The following ZNF648 variants were observed in gnomAD, a reference collection of about 807,000 sequenced individuals.
The protein encoded by ZNF648 is zinc finger protein 648.
In ZNF648, 1 loss-of-function variant was observed where a neutral mutation model predicts 0.3. The observed-to-expected ratio is 3.90, with a 90% CI of 1.39 to 18.51. The LOEUF is 18.51. Ranked by LOEUF, ZNF648 falls within the 30% of genes most tolerant of loss-of-function variation. ZNF648 has a pLI of 0.11. For synonymous variants in ZNF648, 376 were observed against 326.8 expected, an observed-to-expected ratio of 1.15 and a Z score of -1.62; for missense variants, 874 against 769.7, an observed-to-expected ratio of 1.14 and a Z score of -1.60.
Position 182,054,869 on chromosome 1 carries a change from C to G in ZNF648, c.*1435G>C, listed in dbSNP as rs1665883798. On this transcript the variant is annotated 3_prime_UTR_variant, in exon 2 of 2. Transcript: ENST00000339948. ...CAAGACTATCTAGCTATCTAGCTAT[C>G]TAGCTATCTCTCTTACTTCTCTTTG... 6.6e-6 allele frequency: 1 copy of G among 152,246 alleles called. No homozygotes were observed. Among genetic ancestry groups the G allele is most frequent in the African/African-American group, 2.4e-5 (1 of 41,468 alleles). The allele number at this position is 152,246 out of a possible 1,614,324, so 9.4% of individuals were successfully genotyped here.
rs1282452201 is a variant in ZNF648 at position 182,056,541 on chromosome 1, G to T, written c.1470C>A (p.Thr490=). 6.2e-7 allele frequency: 1 copy of T among 1,613,976 alleles called. No individual in the cohort carries two copies. Among genetic ancestry groups the T allele is most frequent in the Non-Finnish European group, 8.5e-7 (1 of 1,180,002 alleles). Residue 490 remains threonine (T), a synonymous_variant, in exon 2 of 2, where the codon ACC becomes ACA. Transcript: ENST00000339948. The stretch of plus-strand genomic sequence containing the variant: ...AGTGGATCTGTTGGTGCCGCTTCAG[G>T]GTCGAAGAGCGGGCAAAGGCCTGGC... ...QCGQAFARSS[T]LKRHQQIHSG... is the part of the protein sequence containing the mutation.
At chr1:182,065,732 C>T (rs1315376857), upstream of ZNF648, among the ~76,000 whole-genome samples, 2 of 152,234 alleles carry the variant, frequency 1.3e-5, no homozygotes, top group Non-Finnish European at 2.9e-5. Flanking sequence ...TTTGGAAGTG[C>T]CATGTGCCTT....
At position 182,056,803 on chromosome 1, in the gene ZNF648, A is replaced by G; in HGVS notation, c.1208T>C (p.Val403Ala). Residue 403 changes from valine to alanine, a missense_variant, in exon 2 of 2, where the codon GTG becomes GCG. Val to Ala is a moderately conservative substitution (Grantham distance 64, BLOSUM62 0). Coordinates refer to ENST00000339948, the MANE Select transcript of ZNF648 (RefSeq NM_001009992.1). ...RCPACDREFA[V>A]ASRMVEHQRV... ...CTGGTGCTCCACCATGCGGCTGGCC[A>G]CAGCGAACTCCCGGTCGCAGGCGGG... 1 of 1,544,682 alleles carries G rather than the reference A, an allele frequency of 6.5e-7. No homozygotes were observed. Among genetic ancestry groups the G allele is most frequent in the Admixed American group, 2.0e-5 (1 of 49,376 alleles).
Position 182,056,046 on chromosome 1 carries a change from T to C in ZNF648, c.*258A>G. 2.1e-6 allele frequency: 1 copy of C among 484,522 alleles called. No individual in the cohort carries two copies. Among genetic ancestry groups the C allele is most frequent in the Middle Eastern group, 5.5e-4 (1 of 1,834 alleles). 30.0% of individuals were successfully genotyped at this position (484,522 alleles called of 1,614,324 possible). On this transcript the variant is annotated 3_prime_UTR_variant, in exon 2 of 2. Transcript: ENST00000339948. ...TTCCCCAACCCAAGGAACTCAACGT[T>C]TGATCAGCTCCCACTACTTTGTCTT...
rs761341809 is a variant in ZNF648 at position 182,056,674 on chromosome 1, C to T, written c.1337G>A (p.Arg446Lys). 1.2e-6 allele frequency: 2 copies of T among 1,605,214 alleles called. No individual in the cohort carries two copies. The highest frequency in any genetic ancestry group is 1.7e-5 in the Admixed American group (1 of 58,722). Residue 446 changes from arginine (R) to lysine (K), a missense_variant, in exon 2 of 2, where the codon AGG (arginine) becomes AAG (lysine). Physicochemically the swap from Arg to Lys is conservative, Grantham distance 26. Coordinates refer to ENST00000339948, the MANE Select transcript of ZNF648 (RefSeq NM_001009992.1). ...SEHQTLHTGQRPFKCADCGVA... is the reference protein window; with the variant it reads ...SEHQTLHTGQKPFKCADCGVA... ...GCCGCAGTCAGCGCACTTGAAAGGC[C>T]TCTGGCCGGTGTGCAGCGTCTGGTG...
rs546993253 is a variant in ZNF648, at chr1:182,056,594, C to T, written c.1417G>A (p.Glu473Lys). The change falls in exon 2 of 2, where the codon GAG becomes AAG. Residue 473 changes from glutamate to lysine, a missense_variant. Physicochemically the swap from Glu to Lys is moderately conservative, Grantham distance 56. Coordinates refer to ENST00000339948, the MANE Select transcript of ZNF648 (RefSeq NM_001009992.1). Reference sequence around the variant, plus strand: ...CACTGCGTGCAAGGAAAGGGCCTCTCGCCAGTGTGGATGCGCTGGTGGCGC... The same window carrying T: ...CACTGCGTGCAAGGAAAGGGCCTCTTGCCAGTGTGGATGCGCTGGTGGCGC... The part of the protein sequence containing the change: ...LVRHQRIHTG[E>K]RPFPCTQCGQ... 35 of 1,613,726 alleles carry T rather than the reference C, an allele frequency of 2.2e-5. No individual in the cohort carries two copies. The South Asian group carries it at 3.3e-4, about 15-fold the overall frequency.
In ZNF648 at chr1:182,056,965, T is replaced by C. The variant is rs770294686; in HGVS notation, c.1046A>G (p.Asp349Gly). Reference protein sequence around the residue: ...DCGKAFVRSSDLRKHQRNMHS... With the variant: ...DCGKAFVRSSGLRKHQRNMHS... ...CATGTTGCGCTGGTGTTTGCGCAGG[T>C]CCGAAGAGCGCACGAAGGCCTTCCC... The change falls in exon 2 of 2, where the codon GAC becomes GGC. Residue 349 changes from aspartate to glycine, a missense_variant. Coordinates refer to ENST00000339948, the MANE Select transcript of ZNF648 (RefSeq NM_001009992.1). The C allele has an allele frequency of 1.9e-6, 3 of 1,613,604 alleles. No individual in the cohort carries two copies. Among genetic ancestry groups the C allele is most frequent in the African/African-American group, 2.7e-5 (2 of 75,034 alleles).
At chr1:182,063,010 T>A (rs1368873972), upstream of ZNF648, 2 of 152,242 alleles carry the variant, frequency 1.3e-5, no homozygotes, top group East Asian at 3.9e-4. Flanking sequence ...TCCAGCTCCA[T>A]CCCTGTCCCT....
intron 1 of ZNF648, among the ~76,000 whole-genome samples, chr1:182,058,841 T>C (rs1665985256): frequency 6.6e-6 from 1 of 152,208 alleles, no homozygotes; most frequent in South Asian, 2.1e-4. Flanking sequence ...TTGTTTTTAA[T>C]TGAGTCGGAG....
Position 182,056,960 on chromosome 1 carries a change from G to C in ZNF648, c.1051C>G (p.Arg351Gly), listed in dbSNP as rs143709654. The C allele has an allele frequency of 1.4e-5, 23 of 1,613,528 alleles. No homozygotes were observed. The highest frequency in any genetic ancestry group is 1.9e-5 in the Non-Finnish European group (22 of 1,179,824). Residue 351 changes from arginine (R) to glycine (G), a missense_variant, in exon 2 of 2, where the codon CGC becomes GGC. Physicochemically the swap from Arg to Gly is moderately radical, Grantham distance 125 (BLOSUM62 -2). Transcript: ENST00000339948. The part of the protein sequence containing the change: ...GKAFVRSSDL[R>G]KHQRNMHSNN... ...CTGTGCATGTTGCGCTGGTGTTTGC[G>C]CAGGTCCGAAGAGCGCACGAAGGCC...
upstream of ZNF648, chr1:182,061,849 C>G (rs911010806): frequency 6.5e-6 from 1 of 153,548 alleles, no homozygotes; most frequent in Non-Finnish European, 1.4e-5. Context: ...TCCTGCCTCC[C>G]CTCCCTGCCA....
At chr1:182,068,868 A>T in the ZNF648 span, among the ~76,000 whole-genome samples, 2 of 149,782 alleles carry the variant, frequency 1.3e-5, no homozygotes, top group Non-Finnish European at 3.0e-5. Flanking sequence ...GTGAGCCATG[A>T]TCAAACCACT....
At position 182,057,677 on chromosome 1, in the gene ZNF648, C is replaced by T. The variant is rs141227760; in HGVS notation, c.334G>A (p.Glu112Lys). 5.4e-4 allele frequency: 874 copies of T among 1,614,226 alleles called. 6 individuals carry two copies. The African/African-American group carries it at 0.011, about 20-fold the overall frequency. ...SWSRDVTKIN[E>K]TQGSPGASRA... ...CTTGCTCCCGGGGAACCCTGGGTCT[C>T]GTTGATCTTTGTCACATCTCTGCTC... The change falls in exon 2 of 2, where the codon GAG becomes AAG. Residue 112 changes from glutamate to lysine, a missense_variant. Glu to Lys is a moderately conservative substitution (Grantham distance 56). Transcript: ENST00000339948.
the ZNF648 span, among the ~76,000 whole-genome samples, chr1:182,067,836 A>G: frequency 6.6e-6 from 1 of 152,244 alleles, no homozygotes; most frequent in South Asian, 2.1e-4. Context: ...GTCTACTGAC[A>G]TAGCAGCATA....
upstream of ZNF648, among the ~76,000 whole-genome samples, chr1:182,065,742 TTATC>T (rs1666089998): frequency 6.6e-6 from 1 of 152,176 alleles, no homozygotes; most frequent in African/African-American, 2.4e-5. Flanking sequence ...CCATGTGCCT[TTATC>T]TATGTGAGAC....
In ZNF648 at chr1:182,057,306, G is replaced by T. The variant is rs757079574; in HGVS notation, c.705C>A (p.Asn235Lys). The T allele has an allele frequency of 2.5e-6, 4 of 1,604,126 alleles. No individual in the cohort carries two copies. Among genetic ancestry groups the T allele is most frequent in the Admixed American group, 3.4e-5 (2 of 59,660 alleles). ...AKARNSRKVQ[N>K]QAGRREGGEA... ...CTCCGCCCTCGCGCCGGCCCGCCTGGTTCTGTACTTTCCTGCTGTTCCGCG... is the reference window on the plus strand; with the variant it reads ...CTCCGCCCTCGCGCCGGCCCGCCTGTTTCTGTACTTTCCTGCTGTTCCGCG... The change falls in exon 2 of 2, where the codon AAC becomes AAA. Residue 235 changes from asparagine (N) to lysine (K), a missense_variant. Transcript: ENST00000339948.
chr1:182,065,985 T>C (rs1666092540), upstream of ZNF648, among the ~76,000 whole-genome samples: 1 of 152,240 alleles, frequency 6.6e-6, no homozygotes, highest in Non-Finnish European at 1.5e-5. Flanking sequence ...CGGAAGGCCC[T>C]TTCCCTAAGG....
At position 182,057,296 on chromosome 1, in the gene ZNF648, G is replaced by T; in HGVS notation, c.715C>A (p.Arg239=). The T allele has an allele frequency of 6.3e-7, 1 of 1,599,120 alleles. No individual in the cohort carries two copies. Among genetic ancestry groups the T allele is most frequent in the Non-Finnish European group, 8.5e-7 (1 of 1,177,196 alleles). ...NSRKVQNQAG[R]REGGEAEARP... ...GCCTCAGCCTCTCCGCCCTCGCGCC[G>T]GCCCGCCTGGTTCTGTACTTTCCTG... The change falls in exon 2 of 2, where the codon CGG becomes AGG. Residue 239 remains arginine, a synonymous_variant. Transcript: ENST00000339948.
At chr1:182,058,129 A>T in intron 1 of ZNF648, 56 bp from the exon 2 acceptor site, 2 of 1,273,284 alleles carry the variant, frequency 1.6e-6, no homozygotes, top group Non-Finnish European at 2.1e-6. Flanking sequence ...AATCACTTTC[A>T]TGAGCAGAGG....
Sources: gnomAD v4.1 joint callset for allele counts (sites outside exome capture counted in the v4.1 genomes callset) on GRCh38, gnomAD v4.1.1 for gene constraint, MANE v1.5 for transcripts, NCBI Gene and HGNC (gene_info 2026-07-23, HGNC 2026-07-21) for gene names.